The following MITF variants were observed in gnomAD, a reference collection of about 807,000 sequenced individuals.
MITF encodes melanocyte inducing transcription factor.
MITF carries 17 observed loss-of-function variants against 60.5 expected under a neutral mutation model. That is an observed-to-expected ratio of 0.28 (90% CI 0.19 to 0.42). MITF has a LOEUF of 0.42. Among genes scored for constraint, MITF ranks in the 10% least tolerant of loss-of-function variants. MITF has a pLI of 1.00. For synonymous variants in MITF, 260 were observed against 248.5 expected, an observed-to-expected ratio of 1.05 and a Z score of -0.43; for missense variants, 622 against 683.5, an observed-to-expected ratio of 0.91 and a Z score of 1.00.
chr3:69,771,114 C>T (rs890607341), intron 1 of MITF, among the ~76,000 whole-genome samples: 1 of 152,102 alleles, frequency 6.6e-6, no homozygotes, highest in Non-Finnish European at 1.5e-5. Flanking sequence ...GGATTCATTC[C>T]ATGTTGGTTT....
intron 1 of MITF, among the ~76,000 whole-genome samples, chr3:69,870,981 A>G (rs867614000): frequency 1.3e-5 from 2 of 152,200 alleles, no homozygotes; most frequent in African/African-American, 2.4e-5. Flanking sequence ...GGGTACATCA[A>G]ACTGGCTTAA....
chr3:69,826,780 C>T (rs994590763), intron 1 of MITF, among the ~76,000 whole-genome samples: 1 of 152,304 alleles, frequency 6.6e-6, no homozygotes, highest in East Asian at 1.9e-4. Context: ...GCTGCCATTA[C>T]TTTTTAAATT....
chr3:69,912,862 A>C (rs1040363955), intron 2 of MITF, among the ~76,000 whole-genome samples: 1 of 152,238 alleles, frequency 6.6e-6, no homozygotes, highest in East Asian at 1.9e-4. Context: ...GAAAGCCTAT[A>C]TAAAGGTCCA....
intron 2 of MITF, among the ~76,000 whole-genome samples, chr3:69,910,407 G>A (rs898601879): frequency 6.6e-6 from 1 of 152,206 alleles, no homozygotes. Context: ...AGAGTCCCTA[G>A]TGGGACACTG....
rs1352599452 is a variant in MITF at position 69,879,420 on chromosome 3, C to G, written c.354+37C>G. 6 of 1,613,970 alleles carry G rather than the reference C, an allele frequency of 3.7e-6. No individual in the cohort carries two copies. In the South Asian group the frequency reaches 5.5e-5, roughly 15 times the overall value. On this transcript the variant is annotated intron_variant, in intron 2 of 9. Transcript: ENST00000352241. ...TTGCTCTTGTTGGTTGGACCAAACT[C>G]TCTTCCATTTTCCATTTGCTAGGTG...
At chr3:69,766,376 A>ATTTTTTT (rs753953309) in intron 1 of MITF, among the ~76,000 whole-genome samples, 3 of 95,140 alleles carry the variant, frequency 3.2e-5, no homozygotes, top group African/African-American at 9.1e-5. Context: ...TGCCCAGCTA[A>ATTTTTTT]TTTTTTTTTT....
Position 69,802,005 on chromosome 3 carries a change from A to G in MITF, c.104+62304A>G, listed in dbSNP as rs149040313. Among the ~76,000 whole-genome samples the G allele has an allele frequency of 4.3e-3, 659 of 152,256 alleles. 6 individuals carry two copies. Among genetic ancestry groups the G allele is most frequent in the African/African-American group, 0.015 (610 of 41,528 alleles). ...TATTATTGTTAGTATTGTCATTATT[A>G]TTATTTTTGTAATTTAATTATTACA... is the stretch of plus-strand genomic sequence containing the variant. On this transcript the variant is annotated intron_variant, in intron 1 of 9. Transcript: ENST00000352241.
intron 1 of MITF, among the ~76,000 whole-genome samples, chr3:69,860,788 A>T (rs150061255): frequency 6.6e-6 from 1 of 152,274 alleles, no homozygotes; most frequent in East Asian, 1.9e-4. Context: ...AATCAGGTTT[A>T]TGTGGGGTCA....
chr3:69,860,563 A>G (rs990398184), intron 1 of MITF, among the ~76,000 whole-genome samples: 2 of 136,278 alleles, frequency 1.5e-5, no homozygotes, highest in Non-Finnish European at 3.1e-5. Context: ...GCGCCACAGC[A>G]CTCCCGCCTG....
chr3:69,870,668 C>G (rs1024226819), intron 1 of MITF, among the ~76,000 whole-genome samples: 40 of 151,884 alleles, frequency 2.6e-4, no homozygotes, highest in African/African-American at 9.2e-4. Flanking sequence ...CTCTTGATCT[C>G]GTGATCCACC....
intron 2 of MITF, among the ~76,000 whole-genome samples, chr3:69,883,508 G>T (rs1040411109): frequency 1.3e-5 from 2 of 152,146 alleles, no homozygotes; most frequent in African/African-American, 4.8e-5. Context: ...GCATGGAGTA[G>T]AATTTTCAAG....
intron 1 of MITF, among the ~76,000 whole-genome samples, chr3:69,833,578 C>G (rs1297604616): frequency 1.3e-5 from 2 of 150,424 alleles, no homozygotes; most frequent in East Asian, 4.0e-4. Context: ...GGTTCCTTCC[C>G]TGTTCACACT....
At chr3:69,874,968 G>C (rs1183098499) in intron 1 of MITF, among the ~76,000 whole-genome samples, 1 of 152,220 alleles carries the variant, frequency 6.6e-6, no homozygotes, top group Admixed American at 6.5e-5. Context: ...TTCTGCCATA[G>C]AGGTAGGAAC....
At chr3:69,768,506 C>T (rs765304252) in intron 1 of MITF, among the ~76,000 whole-genome samples, 15 of 152,152 alleles carry the variant, frequency 9.9e-5, no homozygotes, top group Non-Finnish European at 1.6e-4. Context: ...TGGAAGAATC[C>T]GGGCTGTTGA....
chr3:69,773,550 G>A (rs1266038039), intron 1 of MITF, among the ~76,000 whole-genome samples: 1 of 152,100 alleles, frequency 6.6e-6, no homozygotes, highest in East Asian at 1.9e-4. Flanking sequence ...AATGCTTGTG[G>A]GTTGGATAGT....
At chr3:69,862,487 GAA>G (rs754876811) in intron 1 of MITF, among the ~76,000 whole-genome samples, 9 of 152,116 alleles carry the variant, frequency 5.9e-5, no homozygotes, top group Non-Finnish European at 1.0e-4. Context: ...AAGAATATAA[GAA>G]AATATGGTGT....
At chr3:69,751,037 C>T (rs1208388106) in intron 1 of MITF, among the ~76,000 whole-genome samples, 2 of 152,094 alleles carry the variant, frequency 1.3e-5, no homozygotes, top group Non-Finnish European at 2.9e-5. Flanking sequence ...AGCTTTACTA[C>T]CATAAGGAGC....
intron 1 of MITF, among the ~76,000 whole-genome samples, chr3:69,766,376 ATTTTTTTTT>A (rs753953309): frequency 1.8e-3 from 170 of 95,140 alleles, no homozygotes; most frequent in Middle Eastern, 7.0e-3. Context: ...TGCCCAGCTA[ATTTTTTTTT>A]TTTTTTTTTT....
intron 1 of MITF, among the ~76,000 whole-genome samples, chr3:69,862,826 G>A (rs2064040081): frequency 1.3e-5 from 2 of 152,206 alleles, no homozygotes; most frequent in African/African-American, 4.8e-5. Context: ...TTAGGGCAAA[G>A]AGTAGTACTT....
Sources: allele counts gnomAD v4.1 joint callset (sites outside exome capture counted in the v4.1 genomes callset), GRCh38; gene constraint gnomAD v4.1.1; transcripts MANE v1.5; gene names NCBI Gene and HGNC (gene_info 2026-07-23, HGNC 2026-07-21).